Variants in CPNE4 observed in about 807,000 individuals in gnomAD.
CPNE4 encodes the protein copine-4.
A neutral mutation model predicts 67.9 loss-of-function variants in CPNE4; 25 were observed. The ratio of observed to expected loss-of-function variants is 0.37; its 90% CI spans 0.27 to 0.51. CPNE4 has a LOEUF of 0.51. Among genes scored for constraint, CPNE4 ranks in the 20% least tolerant of loss-of-function variants. The pLI is 0.93. For synonymous variants in CPNE4, 242 were observed against 244.9 expected (o/e 0.99, Z 0.11); for missense variants, 464 against 690.8 (o/e 0.67, Z 3.68).
intron 1 of CPNE4, among the ~76,000 whole-genome samples, chr3:132,010,229 C>T (rs939168240): frequency 2.0e-5 from 3 of 152,170 alleles, no homozygotes; most frequent in African/African-American, 7.2e-5. Context: ...CCAGCTACAC[C>T]TAACCTGGCG....
At chr3:131,541,269 C>T (rs1045374097) in intron 15 of CPNE4, among the ~76,000 whole-genome samples, 3 of 152,142 alleles carry the variant, frequency 2.0e-5, no homozygotes, top group African/African-American at 7.2e-5. Context: ...TCAAGATGTC[C>T]TTCTGGGTGA....
chr3:131,803,750 T>C (rs1280662927), intron 2 of CPNE4, among the ~76,000 whole-genome samples: 7 of 152,132 alleles, frequency 4.6e-5, no homozygotes, highest in Non-Finnish European at 1.0e-4. Context: ...TTTGTAAACA[T>C]AAGGAACTAG....
At chr3:131,623,723 C>T (rs1940594855) in intron 7 of CPNE4, among the ~76,000 whole-genome samples, 1 of 152,220 alleles carries the variant, frequency 6.6e-6, no homozygotes, top group East Asian at 1.9e-4. Context: ...CAAGTTGCAT[C>T]CCAGACTTAT....
intron 1 of CPNE4, among the ~76,000 whole-genome samples, chr3:131,978,116 ATATAAATATATATATT>A (rs2072733996): frequency 1.3e-5 from 1 of 78,304 alleles, no homozygotes; most frequent in Admixed American, 2.3e-4. Flanking sequence ...TATAAAATAT[ATATAAATATATATATT>A]TATATAAATA....
At chr3:131,696,519 A>G (rs1560132052) in intron 5 of CPNE4, 23 bp downstream of exon 5, 1 of 1,607,578 alleles carries the variant, frequency 6.2e-7, no homozygotes, top group Non-Finnish European at 8.5e-7. Context: ...TTCCTTCAAT[A>G]AGGTTAATGC....
intron 2 of CPNE4, among the ~76,000 whole-genome samples, chr3:131,817,089 A>G (rs1331722724): frequency 6.6e-6 from 1 of 152,182 alleles, no homozygotes; most frequent in Non-Finnish European, 1.5e-5. Context: ...CATTTTCAGC[A>G]CACATCAGCA....
chr3:131,963,504 C>A (rs573038517), intron 1 of CPNE4, among the ~76,000 whole-genome samples: 1 of 152,304 alleles, frequency 6.6e-6, no homozygotes, highest in East Asian at 1.9e-4. Flanking sequence ...GAAATTCTCA[C>A]TGCCAGCAAA....
chr3:131,631,475 A>G (rs2079219975), intron 7 of CPNE4, among the ~76,000 whole-genome samples: 1 of 152,210 alleles, frequency 6.6e-6, no homozygotes, highest in Non-Finnish European at 1.5e-5. Flanking sequence ...TTAATAAACA[A>G]TTCAATTCAA....
intron 2 of CPNE4, among the ~76,000 whole-genome samples, chr3:131,861,400 CTT>C (rs1011721711): frequency 1.6e-5 from 2 of 122,014 alleles, no homozygotes; most frequent in African/African-American, 6.5e-5. Flanking sequence ...AATATCTCAT[CTT>C]TGTGTGTGTG....
At chr3:131,639,021 G>C (rs1037207359) in intron 7 of CPNE4, among the ~76,000 whole-genome samples, 6 of 152,156 alleles carry the variant, frequency 3.9e-5, no homozygotes, top group African/African-American at 1.4e-4. Context: ...GCAGTGCTAA[G>C]AGGAAAGTTC....
At chr3:131,950,471 A>G (rs765035809) in intron 1 of CPNE4, among the ~76,000 whole-genome samples, 2 of 152,186 alleles carry the variant, frequency 1.3e-5, no homozygotes, top group Non-Finnish European at 2.9e-5. Flanking sequence ...GCTTGTTTAA[A>G]GTATGAAAAA....
intron 7 of CPNE4, among the ~76,000 whole-genome samples, chr3:131,640,944 T>C (rs1459909080): frequency 6.6e-6 from 1 of 152,126 alleles, no homozygotes; most frequent in East Asian, 1.9e-4. Flanking sequence ...CAAATGGTGC[T>C]GGGATAATTG....
intron 1 of CPNE4, among the ~76,000 whole-genome samples, chr3:132,009,900 T>C (rs1031048083): frequency 5.9e-5 from 9 of 152,192 alleles, no homozygotes; most frequent in African/African-American, 1.9e-4. Flanking sequence ...AAACTTCCTA[T>C]AATGCACAGG....
At chr3:131,566,431 GAA>G (rs559494454) in intron 10 of CPNE4, among the ~76,000 whole-genome samples, 7 of 137,188 alleles carry the variant, frequency 5.1e-5, no homozygotes, top group African/African-American at 5.3e-5. Context: ...AACCCACCAG[GAA>G]AAAAAAAAAA....
At chr3:131,578,946 TA>T (rs1225643410) in intron 9 of CPNE4, among the ~76,000 whole-genome samples, 2 of 152,220 alleles carry the variant, frequency 1.3e-5, no homozygotes, top group African/African-American at 4.8e-5. Flanking sequence ...TGCCACAATT[TA>T]TCCAGAAGAT....
At chr3:131,608,981 C>T (rs537773264) in intron 7 of CPNE4, among the ~76,000 whole-genome samples, 16 of 152,086 alleles carry the variant, frequency 1.1e-4, no homozygotes, top group South Asian at 4.1e-4. Flanking sequence ...ATGCTTTTCT[C>T]TCCAACTTTT....
chr3:131,939,633 T>G (rs1047412918), intron 1 of CPNE4, among the ~76,000 whole-genome samples: 2 of 152,252 alleles, frequency 1.3e-5, no homozygotes, highest in African/African-American at 4.8e-5. Context: ...CTCAAAACTT[T>G]CTCAGTTTGG....
At chr3:131,982,224 T>G (rs569518682) in intron 1 of CPNE4, among the ~76,000 whole-genome samples, 1 of 152,344 alleles carries the variant, frequency 6.6e-6, no homozygotes, top group East Asian at 1.9e-4. Context: ...CTACTAAAAC[T>G]TTATGCATTC....
In CPNE4 at chr3:131,656,634, G is replaced by A. The variant is rs76606642; in HGVS notation, c.681+13041C>T. On this transcript the variant is annotated intron_variant, in intron 7 of 15. Coordinates refer to ENST00000429747, the MANE Select transcript of CPNE4 (RefSeq NM_130808.3). The stretch of plus-strand genomic sequence containing the variant: ...TGCCAAGCACTGTTTTAGGGGCTGA[G>A]GATATAGAGGTGAATTACATAGGCC... 5.9e-3 allele frequency among the ~76,000 whole-genome samples: 895 copies of A among 152,324 alleles called. 11 individuals are homozygous for A. The highest frequency in any genetic ancestry group is 0.02 in the African/African-American group (844 of 41,572).
Sources: gnomAD v4.1 joint callset for allele counts (sites outside exome capture counted in the v4.1 genomes callset) on GRCh38, gnomAD v4.1.1 for gene constraint, MANE v1.5 for transcripts, NCBI Gene and HGNC (gene_info 2026-07-23, HGNC 2026-07-21) for gene names.